IGLL5: variants seen among roughly 807,000 people sequenced by gnomAD.
IGLL5 encodes the protein immunoglobulin lambda-like polypeptide 5.
IGLL5 carries 30 observed loss-of-function variants against 20.9 expected under a neutral mutation model. The observed-to-expected ratio is 1.44, with a 90% CI of 1.07 to 1.95. IGLL5 has a LOEUF of 1.95. IGLL5 is among the 30% of genes most tolerant of loss of function. The pLI, the probability that IGLL5 is intolerant of heterozygous loss-of-function variation, is 0.00. For missense variants in IGLL5, 475 were observed against 270.7 expected (o/e 1.75, Z -5.30); for synonymous variants, 203 against 117.3 (o/e 1.73, Z -4.72).
At chr22:22,888,668 G>T (rs1356050134) in intron 1 of IGLL5, among the ~76,000 whole-genome samples, 1 of 151,198 alleles carries the variant, frequency 6.6e-6, no homozygotes, top group African/African-American at 2.4e-5. Flanking sequence ...CCTGCCCAGT[G>T]AGGGCAGGGG....
intron 1 of IGLL5, among the ~76,000 whole-genome samples, chr22:22,888,733 GTTCACCAACT>G: frequency 6.6e-6 from 1 of 151,306 alleles, no homozygotes; most frequent in South Asian, 2.1e-4. Context: ...AAGGCTGTCT[GTTCACCAACT>G]TGCACATAAA....
At chr22:22,894,649 T>C (rs541282858) in intron 2 of IGLL5, among the ~76,000 whole-genome samples, 3 of 148,062 alleles carry the variant, frequency 2.0e-5, no homozygotes, top group African/African-American at 7.4e-5. Flanking sequence ...CCAGGTGAAG[T>C]TTGGGGTCAT....
rs1305243475 is a variant in IGLL5, at chr22:22,893,867, T to G, written c.325+49T>G. The G allele has an allele frequency of 3.1e-6, 4 of 1,275,142 alleles. 1 individual carries two copies. Among genetic ancestry groups the G allele is most frequent in the African/African-American group, 1.5e-5 (1 of 68,356 alleles). 79.0% of individuals were successfully genotyped at this position (1,275,142 alleles called of 1,614,324 possible). A position where few individuals can be genotyped will look rare whatever the true frequency, so the allele number is the denominator to read the frequency against. On this transcript the variant is annotated intron_variant, in intron 2 of 2. Transcript: ENST00000526893. Reference sequence around the variant, plus strand: ...AGCCTGTCTCACCCTCTGCTGTCCCTGGAAAATCTGTTTTCTCTCTCTGGG... The same window carrying G: ...AGCCTGTCTCACCCTCTGCTGTCCCGGGAAAATCTGTTTTCTCTCTCTGGG...
intron 1 of IGLL5, among the ~76,000 whole-genome samples, chr22:22,888,769 G>C (rs536189003): frequency 6.6e-6 from 1 of 151,452 alleles, no homozygotes; most frequent in African/African-American, 2.4e-5. Flanking sequence ...ACTGGGGCCA[G>C]GCTCAAGGAC....
chr22:22,889,137 A>C (rs535487718), intron 1 of IGLL5, among the ~76,000 whole-genome samples: 2 of 151,196 alleles, frequency 1.3e-5, no homozygotes, highest in Admixed American at 6.6e-5. Context: ...TTGGAGGCTG[A>C]TGCGACGCCC....
At position 22,895,646 on chromosome 22, in the gene IGLL5, T is replaced by A; in HGVS notation, c.597T>A (p.His199Gln). 3 of 1,613,258 alleles carry A rather than the reference T, an allele frequency of 1.9e-6. No individual in the cohort carries two copies. The highest frequency in any genetic ancestry group is 2.5e-6 in the Non-Finnish European group (3 of 1,179,760). Reference protein sequence around the residue: ...SHRSYSCQVTHEGSTVEKTVA... With the variant: ...SHRSYSCQVTQEGSTVEKTVA... ...GAAGCTACAGCTGCCAGGTCACGCA[T>A]GAAGGGAGCACCGTGGAGAAGACAG... Residue 199 changes from histidine to glutamine, a missense_variant, in exon 3 of 3, where the codon CAT becomes CAA. Transcript: ENST00000526893.
intron 1 of IGLL5, among the ~76,000 whole-genome samples, chr22:22,888,683 T>C (rs747789727): frequency 2.6e-5 from 4 of 151,354 alleles, no homozygotes; most frequent in East Asian, 2.0e-4. Context: ...CAGGGGCCAC[T>C]CCCTGGAGAA....
chr22:22,895,881 CG>C lies in IGLL5; in HGVS notation c.*191del. ...TTCTCACATAAATTGCTAGCCTCCCCGGGGTTCTCAGTGTGGGGTACAGGGA... is the reference window on the plus strand; with the variant it reads ...TTCTCACATAAATTGCTAGCCTCCCCGGGTTCTCAGTGTGGGGTACAGGGA... On this transcript the variant is annotated 3_prime_UTR_variant, in exon 3 of 3. Transcript: ENST00000526893. The C allele has an allele frequency of 1.5e-6, 1 of 672,254 alleles. No individual in the cohort carries two copies. The highest frequency in any genetic ancestry group is 2.6e-6 in the Non-Finnish European group (1 of 384,218). 41.6% of individuals were successfully genotyped at this position (672,254 alleles called of 1,614,324 possible).
rs60253461 is a variant in IGLL5, at chr22:22,892,480, G to C, written c.207-1220G>C. Among the ~76,000 whole-genome samples the C allele has an allele frequency of 3.4e-3, 508 of 151,078 alleles. 1 individual carries two copies. Among genetic ancestry groups the C allele is most frequent in the African/African-American group, 0.012 (477 of 41,186 alleles). On this transcript the variant is annotated intron_variant, in intron 1 of 2. Coordinates refer to ENST00000526893, the MANE Select transcript of IGLL5 (RefSeq NM_001178126.2). ...CTCTGTAGGATGTTAATAGTATCTT[G>C]TGTCATGCTAGGATGTCTAGGACAG...
At chr22:22,894,004 G>C in intron 2 of IGLL5, among the ~76,000 whole-genome samples, 186 bp downstream of exon 2, 1 of 149,984 alleles carries the variant, frequency 6.7e-6, no homozygotes, top group African/African-American at 2.5e-5. Context: ...CCTCCACAGT[G>C]GGAGCAGCCG....
Position 22,888,179 on chromosome 22 carries a change from G to T in IGLL5, c.126G>T (p.Met42Ile), listed in dbSNP as rs536568891. 2 of 1,549,006 alleles carry T rather than the reference G, an allele frequency of 1.3e-6. No individual in the cohort carries two copies. The highest frequency in any genetic ancestry group is 1.2e-5 in the South Asian group (1 of 83,976). Residue 42 changes from methionine to isoleucine, a missense_variant, in exon 1 of 3, where the codon ATG becomes ATT. Met to Ile is a conservative substitution (Grantham distance 10, BLOSUM62 1). Transcript: ENST00000526893. ...AMVAHGLLRP[M>I]VAPQSGDPDP... ...TCGCCCATGGCCTGCTGCGCCCAAT[G>T]GTTGCACCGCAAAGCGGGGACCCAG... is the stretch of plus-strand genomic sequence containing the variant.
At chr22:22,888,596 C>A (rs1285781846) in intron 1 of IGLL5, among the ~76,000 whole-genome samples, 1 of 151,356 alleles carries the variant, frequency 6.6e-6, no homozygotes, top group South Asian at 2.1e-4. Context: ...GGGGTGGTGG[C>A]CACTGTCCCC....
chr22:22,891,656 T>G (rs1344624062), intron 1 of IGLL5, among the ~76,000 whole-genome samples: 1 of 151,338 alleles, frequency 6.6e-6, no homozygotes, highest in Non-Finnish European at 1.5e-5. Flanking sequence ...TTCAGAGACA[T>G]GATGTACTCT....
chr22:22,888,500 A>C (rs113009048), intron 1 of IGLL5, among the ~76,000 whole-genome samples: 3 of 151,358 alleles, frequency 2.0e-5, no homozygotes, highest in East Asian at 4.0e-4. Context: ...GCGCCACTTA[A>C]ATTTTCACCA....
In IGLL5 at chr22:22,893,828, T is replaced by C. The variant is rs1296694070; in HGVS notation, c.325+10T>C. ...AAGGTCACCGTCCTAGGTAAGTGGC[T>C]CTCAACCTTTCCCAGCCTGTCTCAC... On this transcript the variant is annotated intron_variant, in intron 2 of 2. Coordinates refer to ENST00000526893, the MANE Select transcript of IGLL5 (RefSeq NM_001178126.2). 3.2e-6 allele frequency: 5 copies of C among 1,550,260 alleles called. No individual in the cohort carries two copies. The highest frequency in any genetic ancestry group is 2.7e-5 in the African/African-American group (2 of 73,580).
chr22:22,893,994 C>T (rs939572177), intron 2 of IGLL5, among the ~76,000 whole-genome samples, 176 bp downstream of exon 2: 1 of 150,634 alleles, frequency 6.6e-6, no homozygotes, highest in African/African-American at 2.5e-5. Flanking sequence ...GCAGGAAGGG[C>T]CTCCACAGTG....
intron 1 of IGLL5, among the ~76,000 whole-genome samples, chr22:22,888,792 G>C (rs530637374): frequency 1.3e-5 from 2 of 151,392 alleles, no homozygotes; most frequent in Admixed American, 6.6e-5. Context: ...AGGGAGGGTG[G>C]GATGAACCGA....
Position 22,888,256 on chromosome 22 carries a change from G to GC in IGLL5, c.204dup (p.Arg69GlnfsTer23). The GC allele has an allele frequency of 6.5e-7, 1 of 1,547,444 alleles. No individual in the cohort carries two copies. The highest frequency in any genetic ancestry group is 2.0e-5 in the Admixed American group (1 of 50,752). On this transcript the variant is annotated frameshift_variant, in exon 1 of 3. Coordinates refer to ENST00000526893, the MANE Select transcript of IGLL5 (RefSeq NM_001178126.2). LOFTEE classifies it high-confidence loss of function. Reference sequence around the variant, plus strand: ...CGATCCAGCCTGCGGAGCCTGTGGGGCAGGTAAGGGGCAAGAGATTCCAGG... The same window carrying GC: ...CGATCCAGCCTGCGGAGCCTGTGGGGCCAGGTAAGGGGCAAGAGATTCCAGG...
At chr22:22,888,842 G>C (rs573077058) in intron 1 of IGLL5, among the ~76,000 whole-genome samples, 4 of 151,424 alleles carry the variant, frequency 2.6e-5, no homozygotes, top group South Asian at 2.1e-4. Flanking sequence ...CACGGCCCAT[G>C]TTTGGAGCAA....
Sources: allele counts gnomAD v4.1 joint callset (sites outside exome capture counted in the v4.1 genomes callset), GRCh38; gene constraint gnomAD v4.1.1; transcripts MANE v1.5; gene names NCBI Gene and HGNC (gene_info 2026-07-23, HGNC 2026-07-21).